Variants in MGAT4C observed in about 807,000 individuals in gnomAD.
MGAT4C encodes the protein alpha-1,3-mannosyl-glycoprotein 4-beta-N-acetylglucosaminyltransferase C.
MGAT4C carries 19 observed loss-of-function variants against 40.1 expected under a neutral mutation model. The observed-to-expected ratio is 0.47, with a 90% CI of 0.33 to 0.70. MGAT4C has a LOEUF of 0.70. Among genes scored for constraint, MGAT4C ranks in the 30% least tolerant of loss-of-function variants. The probability of loss-of-function intolerance (pLI) is 0.02; values close to 1 mark genes in which losing one functional copy is unlikely to be tolerated. For synonymous variants in MGAT4C, 181 were observed against 187.1 expected, an observed-to-expected ratio of 0.97 and a Z score of 0.27; for missense variants, 491 against 563.2, an observed-to-expected ratio of 0.87 and a Z score of 1.30.
chr12:86,138,997 G>A (rs904424805), intron 1 of MGAT4C, among the ~76,000 whole-genome samples: 1 of 152,030 alleles, frequency 6.6e-6, no homozygotes, highest in African/African-American at 2.4e-5. Flanking sequence ...AAAATGCTGT[G>A]TCCTTCAGAG....
At position 86,373,658 on chromosome 12, in the gene MGAT4C, T is replaced by C. The variant is rs143658047; in HGVS notation, c.-119-39531A>G. 4.6e-3 allele frequency among the ~76,000 whole-genome samples: 699 copies of C among 152,052 alleles called. 10 individuals are homozygous for C. The highest frequency in any genetic ancestry group is 0.016 in the African/African-American group (676 of 41,536). On this transcript the variant is annotated intron_variant, in intron 3 of 7. Transcript: ENST00000548651. ...TGCCATCACAAAAGAAAATAGTTTT[T>C]TTTTTTTTTGATGTAGCATAGTTCT...
chr12:86,413,242 A>G (rs1956641065), intron 3 of MGAT4C, among the ~76,000 whole-genome samples: 1 of 152,180 alleles, frequency 6.6e-6, no homozygotes. Flanking sequence ...TAATGTGGGA[A>G]GTACTATCGA....
intron 2 of MGAT4C, among the ~76,000 whole-genome samples, chr12:86,042,006 G>GTA (rs1317827320): frequency 6.6e-6 from 1 of 152,144 alleles, no homozygotes; most frequent in Non-Finnish European, 1.5e-5. Flanking sequence ...TGTGTTGGGT[G>GTA]TATATATATT....
At chr12:86,355,930 A>G (rs61950745) in intron 3 of MGAT4C, among the ~76,000 whole-genome samples, 12,897 of 152,190 alleles carry the variant, frequency 0.085, 764 homozygotes, top group Middle Eastern at 0.22. Context: ...AAATTATTTG[A>G]GCAGTTTTCA....
chr12:86,698,201 A>G (rs1395867364), intron 2 of MGAT4C, among the ~76,000 whole-genome samples: 1 of 152,152 alleles, frequency 6.6e-6, no homozygotes, highest in Non-Finnish European at 1.5e-5. Context: ...AAGAACAAAG[A>G]AAATGAAAAA....
chr12:86,578,343 A>C (rs985495469), intron 2 of MGAT4C, among the ~76,000 whole-genome samples: 4 of 151,758 alleles, frequency 2.6e-5, no homozygotes, highest in Non-Finnish European at 5.9e-5. Flanking sequence ...CATAACAATC[A>C]TGTGTCTTTC....
intron 2 of MGAT4C, chr12:86,001,618 A>C (rs1364544837): frequency 1.0e-6 from 1 of 983,440 alleles, no homozygotes; most frequent in Non-Finnish European, 1.2e-6. Flanking sequence ...GAGCCTGAGT[A>C]CACTATACAG....
chr12:86,583,810 A>G (rs1256941350), intron 2 of MGAT4C, among the ~76,000 whole-genome samples: 1 of 151,168 alleles, frequency 6.6e-6, no homozygotes, highest in East Asian at 1.9e-4. Context: ...TGTGGGAAAT[A>G]TATTTTAAAG....
At chr12:86,536,055 A>G (rs1959062509) in intron 2 of MGAT4C, among the ~76,000 whole-genome samples, 1 of 152,116 alleles carries the variant, frequency 6.6e-6, no homozygotes, top group Non-Finnish European at 1.5e-5. Context: ...TAATGAGTAC[A>G]ATGCATATAA....
intron 4 of MGAT4C, among the ~76,000 whole-genome samples, chr12:86,333,340 GA>G (rs1455699175): frequency 1.3e-5 from 2 of 152,150 alleles, no homozygotes; most frequent in Non-Finnish European, 2.9e-5. Flanking sequence ...TCTTCCAGTT[GA>G]AAATTCATCA....
chr12:86,446,684 T>TATATATATATATAC (rs1957345330), intron 2 of MGAT4C, among the ~76,000 whole-genome samples: 2 of 126,618 alleles, frequency 1.6e-5, no homozygotes, highest in African/African-American at 3.1e-5. Flanking sequence ...TATATATATA[T>TATATATATATATAC]ATATATATAT....
intron 1 of MGAT4C, among the ~76,000 whole-genome samples, chr12:86,241,898 C>T (rs1007023923): frequency 7.9e-5 from 12 of 152,194 alleles, no homozygotes; most frequent in African/African-American, 2.6e-4. Context: ...TCTTCCTGAG[C>T]CTTGCCTGAG....
chr12:86,697,186 T>A (rs1950274595), intron 2 of MGAT4C, among the ~76,000 whole-genome samples: 2 of 152,120 alleles, frequency 1.3e-5, no homozygotes, highest in South Asian at 4.1e-4. Context: ...ATAATATAGG[T>A]ATATATACAT....
intron 2 of MGAT4C, among the ~76,000 whole-genome samples, chr12:86,608,657 TAG>T (rs1023440480): frequency 1.3e-5 from 2 of 151,568 alleles, no homozygotes; most frequent in South Asian, 4.2e-4. Context: ...GTGGAAAAAA[TAG>T]ACTTATTTTC....
chr12:86,149,160 AT>A (rs952819232), intron 1 of MGAT4C, among the ~76,000 whole-genome samples: 1 of 152,064 alleles, frequency 6.6e-6, no homozygotes, highest in Non-Finnish European at 1.5e-5. Context: ...GAAACTGTTT[AT>A]TTTTTAAATT....
At chr12:86,715,850 A>G (rs1950637817) in intron 2 of MGAT4C, among the ~76,000 whole-genome samples, 1 of 152,134 alleles carries the variant, frequency 6.6e-6, no homozygotes, top group Admixed American at 6.6e-5. Flanking sequence ...AAAAGGGAAA[A>G]TATTGGGCTT....
At chr12:86,629,786 C>T (rs538883233) in intron 2 of MGAT4C, among the ~76,000 whole-genome samples, 1 of 152,140 alleles carries the variant, frequency 6.6e-6, no homozygotes, top group African/African-American at 2.4e-5. Flanking sequence ...CACTAAATGC[C>T]CACAAGAGAA....
intron 2 of MGAT4C, among the ~76,000 whole-genome samples, chr12:86,725,979 T>C (rs1332592918): frequency 1.3e-5 from 2 of 152,210 alleles, no homozygotes; most frequent in Non-Finnish European, 2.9e-5. Context: ...AGAATACTTA[T>C]GAATATTAGA....
At chr12:86,183,258 G>T (rs1248251947) in intron 1 of MGAT4C, among the ~76,000 whole-genome samples, 1 of 151,692 alleles carries the variant, frequency 6.6e-6, no homozygotes, top group Non-Finnish European at 1.5e-5. Flanking sequence ...TCTTTCAATG[G>T]ACTCAGCATC....
Sources: allele counts gnomAD v4.1 joint callset (sites outside exome capture counted in the v4.1 genomes callset), GRCh38; gene constraint gnomAD v4.1.1; transcripts MANE v1.5; gene names NCBI Gene and HGNC (gene_info 2026-07-23, HGNC 2026-07-21).